The following ALPL variants were observed in gnomAD, a reference collection of about 807,000 sequenced individuals.
ALPL encodes alkaline phosphatase, biomineralization associated, also known as alkaline phosphatase, tissue-nonspecific isozyme.
A neutral mutation model predicts 51.3 loss-of-function variants in ALPL; 42 were observed. That is an observed-to-expected ratio of 0.82 (90% confidence interval 0.64 to 1.06). The LOEUF is 1.06. ALPL is among the 50% of genes least tolerant of loss of function. The pLI is 0.00. For synonymous variants in ALPL, 279 were observed against 296.4 expected, an observed-to-expected ratio of 0.94 and a Z score of 0.60; for missense variants, 589 against 709.4, an observed-to-expected ratio of 0.83 and a Z score of 1.93.
intron 1 of ALPL, among the ~76,000 whole-genome samples, chr1:21,528,795 C>T (rs747639450): frequency 5.3e-4 from 80 of 151,310 alleles, no homozygotes; most frequent in Non-Finnish European, 7.4e-4. Context: ...CAGGGCCGGG[C>T]GTCGTGGCTC....
rs1361258901 is a variant in ALPL at position 21,576,287 on chromosome 1, GTGGA to G, written c.1190-219_1190-216del. On this transcript the variant is annotated intron_variant, in intron 10 of 11. Coordinates refer to ENST00000374840, the MANE Select transcript of ALPL (RefSeq NM_000478.6). The stretch of plus-strand genomic sequence containing the variant: ...GATGGATGGGTGGATGGATGGATGG[GTGGA>G]TGGATGGATGGATGGGTGGATGGAT... 0.037 allele frequency among the ~76,000 whole-genome samples: 2,062 copies of G among 55,452 alleles called. 53 individuals are homozygous for G. The highest frequency in any genetic ancestry group is 0.11 in the African/African-American group (1,912 of 16,928). The allele number at this position is 55,452 out of a possible 152,430, so 36.4% of individuals were successfully genotyped here.
At chr1:21,534,907 TC>T (rs1644077537) in intron 1 of ALPL, among the ~76,000 whole-genome samples, 1 of 152,168 alleles carries the variant, frequency 6.6e-6, no homozygotes, top group South Asian at 2.1e-4. Flanking sequence ...CTCTGATCTT[TC>T]TATTTAAAAC....
intron 6 of ALPL, among the ~76,000 whole-genome samples, chr1:21,567,628 G>T (rs1046719478): frequency 2.6e-5 from 4 of 152,358 alleles, no homozygotes; most frequent in Admixed American, 1.3e-4. Flanking sequence ...AAAAGCCCTG[G>T]GTTTGAATCC....
At chr1:21,549,955 T>C (rs1236722001) in intron 1 of ALPL, among the ~76,000 whole-genome samples, 1 of 152,204 alleles carries the variant, frequency 6.6e-6, no homozygotes, top group Non-Finnish European at 1.5e-5. Context: ...CGAAGAACTC[T>C]GACTGAATGA....
chr1:21,536,261 C>A (rs1235266350), intron 1 of ALPL, among the ~76,000 whole-genome samples: 1 of 152,202 alleles, frequency 6.6e-6, no homozygotes, highest in African/African-American at 2.4e-5. Flanking sequence ...TCTTACATTA[C>A]CACATACTTG....
chr1:21,550,143 G>A (rs940824506), intron 1 of ALPL, among the ~76,000 whole-genome samples: 4 of 152,220 alleles, frequency 2.6e-5, no homozygotes, highest in African/African-American at 4.8e-5. Flanking sequence ...ACGCAAGAGA[G>A]ATTTTTGGGG....
chr1:21,524,193 G>A (rs1221537425), intron 1 of ALPL, among the ~76,000 whole-genome samples: 3 of 151,810 alleles, frequency 2.0e-5, no homozygotes, highest in Non-Finnish European at 2.9e-5. Flanking sequence ...TAGTAGAGAC[G>A]GGGTTTCACC....
rs780583917 is a variant in ALPL at position 21,563,213 on chromosome 1, C to A, written c.401C>A (p.Thr134Asn). ...NEGTVGVSAA[T>N]ERSRCNTTQG... ...GGCACCGTGGGGGTAAGCGCAGCCA[C>A]TGAGCGTTCCCGGTGCAACACCACC... The change falls in exon 5 of 12, where the codon ACT becomes AAT. Residue 134 changes from threonine (T) to asparagine (N), a missense_variant. Thr to Asn is a moderately conservative substitution (Grantham distance 65). Coordinates refer to ENST00000374840, the MANE Select transcript of ALPL (RefSeq NM_000478.6). 350 of 1,613,840 alleles carry A rather than the reference C, an allele frequency of 2.2e-4. No homozygotes were observed. The highest frequency in any genetic ancestry group is 2.9e-4 in the Non-Finnish European group (346 of 1,180,032).
At chr1:21,526,667 CTTA>C (rs1463407409) in intron 1 of ALPL, among the ~76,000 whole-genome samples, 1 of 152,070 alleles carries the variant, frequency 6.6e-6, no homozygotes, top group Non-Finnish European at 1.5e-5. Context: ...TATGTGAAAA[CTTA>C]TTATTTGAAC....
At chr1:21,537,192 G>A (rs1046094589) in intron 1 of ALPL, among the ~76,000 whole-genome samples, 1 of 152,044 alleles carries the variant, frequency 6.6e-6, no homozygotes, top group Non-Finnish European at 1.5e-5. Flanking sequence ...CACCGTGCCC[G>A]GCCAGGTTCC....
chr1:21,523,266 T>G (rs1417971150), intron 1 of ALPL, among the ~76,000 whole-genome samples: 1 of 152,084 alleles, frequency 6.6e-6, no homozygotes, highest in Non-Finnish European at 1.5e-5. Context: ...CCCACTGTAC[T>G]CCAGACTGGG....
At chr1:21,570,242 T>A (rs545029372) in intron 7 of ALPL, 63 bp from the exon 8 acceptor site, 11 of 1,520,280 alleles carry the variant, frequency 7.2e-6, no homozygotes, top group Non-Finnish European at 9.1e-6. Context: ...TGATAGCTGC[T>A]GGGGTCAGTC....
chr1:21,525,935 C>A (rs927746930), intron 1 of ALPL, among the ~76,000 whole-genome samples: 1 of 151,792 alleles, frequency 6.6e-6, no homozygotes, highest in Non-Finnish European at 1.5e-5. Flanking sequence ...TGGCAGTGAG[C>A]CAAGATGGCA....
chr1:21,551,719 G>GTTTTT lies in ALPL; in HGVS notation c.-104-2237_-104-2233dup, dbSNP rs397861981. ...CTGGCACTGGAGCGCAGCTTGCGTG[G>GTTTTT]TTTTTTTTTTTTTTTTTTTTTTTTT... is the stretch of plus-strand genomic sequence containing the variant. On this transcript the variant is annotated intron_variant, in intron 1 of 11. Coordinates refer to ENST00000374840, the MANE Select transcript of ALPL (RefSeq NM_000478.6). 1.1e-3 allele frequency among the ~76,000 whole-genome samples: 66 copies of GTTTTT among 61,440 alleles called. 11 individuals are homozygous for GTTTTT. The highest frequency in any genetic ancestry group is 1.4e-3 in the African/African-American group (23 of 16,128). The allele number at this position is 61,440 out of a possible 152,430, so 40.3% of individuals were successfully genotyped here. A position where few individuals can be genotyped will look rare whatever the true frequency, so the allele number is the denominator to read the frequency against.
chr1:21,534,524 G>T (rs1644072247), intron 1 of ALPL, among the ~76,000 whole-genome samples: 2 of 152,178 alleles, frequency 1.3e-5, no homozygotes, highest in South Asian at 4.1e-4. Context: ...CAGAGCTGAA[G>T]CTTCAGACTG....
rs767795141 is a variant in ALPL, at chr1:21,573,656, C to T, written c.863-9C>T. Reference sequence around the variant, plus strand: ...CTCAGCATCCACATCCTCCTGGCGTCCTCCTCAGGTCTCTTCGAGCCAGGG... The same window carrying T: ...CTCAGCATCCACATCCTCCTGGCGTTCTCCTCAGGTCTCTTCGAGCCAGGG... On this transcript the variant is annotated splice_polypyrimidine_tract_variant and intron_variant, in intron 8 of 11. Coordinates refer to ENST00000374840, the MANE Select transcript of ALPL (RefSeq NM_000478.6). 5 of 1,613,468 alleles carry T rather than the reference C, an allele frequency of 3.1e-6. No homozygotes were observed. The highest frequency in any genetic ancestry group is 4.2e-6 in the Non-Finnish European group (5 of 1,179,854).
chr1:21,516,973 T>A (rs556027374), intron 1 of ALPL, among the ~76,000 whole-genome samples: 1 of 152,344 alleles, frequency 6.6e-6, no homozygotes, highest in African/African-American at 2.4e-5. Context: ...TAGCTTAGCC[T>A]GACTTACCCT....
chr1:21,532,813 C>T (rs1037248033), intron 1 of ALPL, among the ~76,000 whole-genome samples: 2 of 152,196 alleles, frequency 1.3e-5, no homozygotes, highest in African/African-American at 2.4e-5. Context: ...GACCATGCCT[C>T]ATGGTCAAGG....
intron 1 of ALPL, 130 bp from the exon 2 acceptor site, chr1:21,553,848 C>T (rs982873004): frequency 3.4e-5 from 19 of 561,244 alleles, no homozygotes; most frequent in Non-Finnish European, 6.2e-5. Flanking sequence ...CAATGTTGAG[C>T]CCCATGCCTG....
Sources: gnomAD v4.1 joint callset for allele counts (sites outside exome capture counted in the v4.1 genomes callset) on GRCh38, gnomAD v4.1.1 for gene constraint, MANE v1.5 for transcripts, NCBI Gene and HGNC (gene_info 2026-07-23, HGNC 2026-07-21) for gene names.